DMRT1: variants seen among roughly 807,000 people sequenced by gnomAD.
DMRT1 encodes doublesex- and mab-3-related transcription factor 1.
A neutral mutation model predicts 32.3 loss-of-function variants in DMRT1; 7 were observed. That is an observed-to-expected ratio of 0.22 (90% confidence interval 0.12 to 0.41). The LOEUF is 0.41. Ranked by LOEUF, DMRT1 falls within the 10% of genes least tolerant of loss-of-function variation. The pLI is 1.00. For missense variants in DMRT1, 625 were observed against 500.5 expected (o/e 1.25, Z -2.37); for synonymous variants, 278 against 206.1 (o/e 1.35, Z -2.99).
At chr9:895,703 C>G (rs1817328192) in intron 3 of DMRT1, among the ~76,000 whole-genome samples, 1 of 151,510 alleles carries the variant, frequency 6.6e-6, no homozygotes. Context: ...CACTTAAGAT[C>G]TACTCTATTA....
intron 1 of DMRT1, 108 bp downstream of exon 1, chr9:842,300 T>C (rs1417333202): frequency 7.2e-7 from 1 of 1,398,082 alleles, no homozygotes; most frequent in Non-Finnish European, 9.5e-7. Flanking sequence ...AGTGGCGCGA[T>C]CTTGGCTCAC....
intron 2 of DMRT1, among the ~76,000 whole-genome samples, chr9:888,903 G>A (rs1331554325): frequency 2.6e-5 from 4 of 151,618 alleles, no homozygotes; most frequent in African/African-American, 9.7e-5. Flanking sequence ...AAGGCAGGAG[G>A]ATATCTTGAG....
intron 2 of DMRT1, among the ~76,000 whole-genome samples, chr9:851,976 G>T (rs1815160937): frequency 6.8e-6 from 1 of 146,624 alleles, no homozygotes; most frequent in Non-Finnish European, 1.5e-5. Context: ...GTCTCACTCT[G>T]TCGCTTAGGC....
At chr9:927,094 T>C (rs1818550789) in intron 4 of DMRT1, among the ~76,000 whole-genome samples, 1 of 152,208 alleles carries the variant, frequency 6.6e-6, no homozygotes, top group African/African-American at 2.4e-5. Context: ...GCCCTAGCGA[T>C]TTTTTTCAGG....
chr9:886,138 G>A (rs16925225), intron 2 of DMRT1, among the ~76,000 whole-genome samples: 21 of 152,200 alleles, frequency 1.4e-4, no homozygotes, highest in African/African-American at 4.8e-4. Context: ...TTAAAAGTCC[G>A]TGTTACAGTG....
intron 1 of DMRT1, among the ~76,000 whole-genome samples, chr9:845,870 G>T (rs141311209): frequency 1.6e-4 from 24 of 152,112 alleles, no homozygotes; most frequent in African/African-American, 5.3e-4. Flanking sequence ...ATTCTTCAAG[G>T]CTCTGTCCAA....
At chr9:949,235 G>A (rs1819349995) in intron 4 of DMRT1, among the ~76,000 whole-genome samples, 1 of 152,054 alleles carries the variant, frequency 6.6e-6, no homozygotes, top group African/African-American at 2.4e-5. Context: ...GCATGGTGAC[G>A]TATACCTGTA....
chr9:884,872 A>C (rs1261165789), intron 2 of DMRT1, among the ~76,000 whole-genome samples: 1 of 152,222 alleles, frequency 6.6e-6, no homozygotes, highest in East Asian at 1.9e-4. Flanking sequence ...CGGGAGGCTG[A>C]GGCAGGAGAA....
At chr9:863,188 G>C (rs1315745927) in intron 2 of DMRT1, among the ~76,000 whole-genome samples, 2 of 151,430 alleles carry the variant, frequency 1.3e-5, no homozygotes, top group African/African-American at 4.8e-5. Flanking sequence ...TGTGGGGGTG[G>C]CTGCTTTTAG....
chr9:935,597 T>G (rs565067933), intron 4 of DMRT1, among the ~76,000 whole-genome samples: 2 of 152,372 alleles, frequency 1.3e-5, no homozygotes, highest in East Asian at 3.9e-4. Flanking sequence ...TTGTACTACA[T>G]TTCTATCAGC....
chr9:928,337 G>A (rs1420345203), intron 4 of DMRT1, among the ~76,000 whole-genome samples: 4 of 152,116 alleles, frequency 2.6e-5, no homozygotes, highest in Non-Finnish European at 5.9e-5. Flanking sequence ...GAGTCATTTT[G>A]TGGTCTTTAA....
intron 4 of DMRT1, among the ~76,000 whole-genome samples, chr9:921,435 A>G (rs561118736): frequency 4.6e-5 from 7 of 152,302 alleles, no homozygotes; most frequent in South Asian, 2.1e-4. Context: ...GGTAATGTGA[A>G]TAGTGCTGCT....
intron 2 of DMRT1, among the ~76,000 whole-genome samples, chr9:862,314 A>G (rs902732814): frequency 6.6e-6 from 1 of 152,160 alleles, no homozygotes; most frequent in Admixed American, 6.5e-5. Context: ...AGCCCCGCCA[A>G]CACGGCGAAA....
At chr9:894,791 GTTTT>G (rs1231759673) in intron 3 of DMRT1, 1 of 147,956 alleles carries the variant, frequency 6.8e-6, no homozygotes, top group Non-Finnish European at 1.5e-5. Flanking sequence ...CTCCAAGTTT[GTTTT>G]TTTTTTTGTT....
chr9:884,355 C>G lies in DMRT1; in HGVS notation c.539-9557C>G, dbSNP rs964720075. On this transcript the variant is annotated intron_variant, in intron 2 of 4. Transcript: ENST00000382276. The stretch of plus-strand genomic sequence containing the variant: ...ATGAAGGAGTGAATCATATTTCACA[C>G]TGCATGTTAGTGCAAAAAAAAAAAA... Among the ~76,000 whole-genome samples, 8 of 130,218 alleles carry G rather than the reference C, an allele frequency of 6.1e-5. No individual in the cohort carries two copies. The South Asian group carries it at 1.6e-3, about 26-fold the overall frequency. 85.4% of individuals were successfully genotyped at this position (130,218 alleles called of 152,430 possible).
At chr9:848,890 C>G (rs969922367) in intron 2 of DMRT1, among the ~76,000 whole-genome samples, 8 of 48,400 alleles carry the variant, frequency 1.7e-4, no homozygotes, top group Non-Finnish European at 2.4e-4. Context: ...AGGAGTGTAT[C>G]AGAAATACGA....
chr9:915,000 G>C (rs1818124273), intron 3 of DMRT1, among the ~76,000 whole-genome samples: 1 of 152,180 alleles, frequency 6.6e-6, no homozygotes. Flanking sequence ...ACCAGGCTCT[G>C]TCAAGTTAGT....
chr9:873,994 T>G (rs1816387914), intron 2 of DMRT1, among the ~76,000 whole-genome samples: 1 of 152,206 alleles, frequency 6.6e-6, no homozygotes, highest in African/African-American at 2.4e-5. Context: ...GGAAATAAAT[T>G]ATTCCTACAG....
rs189286884 is a variant in DMRT1 at position 892,112 on chromosome 9, G to A, written c.539-1800G>A. On this transcript the variant is annotated intron_variant, in intron 2 of 4. Coordinates refer to ENST00000382276, the MANE Select transcript of DMRT1 (RefSeq NM_021951.3). ...TGCTCCTTTCATCATGGTTAAAACC[G>A]CAAGGCCCTGAAGACCTAGTTGTCT... Among the ~76,000 whole-genome samples the A allele has an allele frequency of 1.6e-3, 239 of 152,242 alleles. 1 individual carries two copies. Among genetic ancestry groups the A allele is most frequent in the African/African-American group, 4.3e-3 (177 of 41,546 alleles).
Sources: allele counts gnomAD v4.1 joint callset (sites outside exome capture counted in the v4.1 genomes callset), GRCh38; gene constraint gnomAD v4.1.1; transcripts MANE v1.5; gene names NCBI Gene and HGNC (gene_info 2026-07-23, HGNC 2026-07-21).